Variants in ATF6B observed in about 807,000 individuals in gnomAD.
ATF6B encodes the protein cyclic AMP-dependent transcription factor ATF-6 beta.
Under a neutral mutation model 83.5 loss-of-function variants are expected in ATF6B, and 50 were observed. That is an observed-to-expected ratio of 0.60 (90% confidence interval 0.48 to 0.76). The LOEUF (loss-of-function observed/expected upper bound fraction) is 0.76. Ranked by LOEUF, ATF6B falls within the 30% of genes least tolerant of loss-of-function variation. The probability of loss-of-function intolerance (pLI) is 0.00; values close to 1 mark genes in which losing one functional copy is unlikely to be tolerated. For synonymous variants in ATF6B, 344 were observed against 362.8 expected, an observed-to-expected ratio of 0.95 and a Z score of 0.59; for missense variants, 790 against 893.8, an observed-to-expected ratio of 0.88 and a Z score of 1.48.
intron 5 of ATF6B, 126 bp from the exon 6 acceptor site, chr6:32,121,474 G>A (rs540903598): frequency 7.0e-6 from 6 of 860,254 alleles, no homozygotes; most frequent in East Asian, 2.7e-5. Context: ...AGGCCAAGGC[G>A]GGCAGATCAC....
rs569240811 is a variant in ATF6B, at chr6:32,127,478, A to G, written c.214T>C (p.Ser72Pro). The G allele has an allele frequency of 4.0e-5, 64 of 1,613,392 alleles. No individual in the cohort carries two copies. In the South Asian group the frequency reaches 6.0e-4, roughly 15 times the overall value. The change falls in exon 3 of 18, where the codon TCT (serine) becomes CCT (proline). Residue 72 changes from serine to proline, a missense_variant. Transcript: ENST00000375203. ...SLDVGMDVSP[S>P]EPPWELLPIF... ...GGCAGGAGTTCCCATGGGGGCTCAG[A>G]GGGGCTGACATCCATCCCCACGTCC...
rs1465229678 is a variant in ATF6B at position 32,122,140 on chromosome 6, C to G, written c.479-792G>C. Among the ~76,000 whole-genome samples the G allele has an allele frequency of 3.3e-5, 5 of 152,198 alleles. No homozygotes were observed. The East Asian group carries it at 9.6e-4, about 29-fold the overall frequency. Reference sequence around the variant, plus strand: ...GCTGCTCACCTGCACCAGATTCTGACTTCCAAGCTGCCTGCTGGTCCCTTC... The same window carrying G: ...GCTGCTCACCTGCACCAGATTCTGAGTTCCAAGCTGCCTGCTGGTCCCTTC... On this transcript the variant is annotated intron_variant, in intron 5 of 17. Transcript: ENST00000375203.
Position 32,116,549 on chromosome 6 carries a change from G to C in ATF6B, c.1813C>G (p.Pro605Ala). ...GAGGTCTTGTTGTGGCTGATGGCTGGGAGCAGCAGGTGGTCCTGGGGAACA... is the reference window on the plus strand; with the variant it reads ...GAGGTCTTGTTGTGGCTGATGGCTGCGAGCAGCAGGTGGTCCTGGGGAACA... ...VSFRRDHLLL[P>A]AISHNKTSRP... Residue 605 changes from proline (P) to alanine (A), a missense_variant, in exon 17 of 18, where the codon CCA becomes GCA. Physicochemically the swap from Pro to Ala is conservative, Grantham distance 27 (BLOSUM62 -1). Coordinates refer to ENST00000375203, the MANE Select transcript of ATF6B (RefSeq NM_004381.5). The surrounding 1 kb of genome is among the most constrained non-coding windows in gnomAD (Gnocchi z 5.1). 1 of 1,599,550 alleles carries C rather than the reference G, an allele frequency of 6.3e-7. No individual in the cohort carries two copies. Among genetic ancestry groups the C allele is most frequent in the Admixed American group, 1.7e-5 (1 of 59,046 alleles).
At position 32,128,187 on chromosome 6, in the gene ATF6B, G is replaced by A. The variant is rs61730578; in HGVS notation, c.21C>T (p.Leu7=). The part of the protein sequence containing the change: MAELML[L]SEIADPTRFF... ...AACGCGTCGGGTCAGCAATCTCGCTGAGCAGCATCAGCTCCGCCATCTTTC... is the reference window on the plus strand; with the variant it reads ...AACGCGTCGGGTCAGCAATCTCGCTAAGCAGCATCAGCTCCGCCATCTTTC... The change falls in exon 1 of 18, where the codon CTC becomes CTT. Residue 7 remains leucine, a synonymous_variant. Transcript: ENST00000375203. 180 of 1,612,400 alleles carry A rather than the reference G, an allele frequency of 1.1e-4. No homozygotes were observed. The African/African-American group carries it at 2.3e-3, about 21-fold the overall frequency.
At chr6:32,127,005 G>T in intron 4 of ATF6B, 98 bp downstream of exon 4, 3 of 1,142,014 alleles carry the variant, frequency 2.6e-6, no homozygotes, top group Non-Finnish European at 3.6e-6. Flanking sequence ...ATGACTCATA[G>T]CACACAAATC....
intron 5 of ATF6B, among the ~76,000 whole-genome samples, chr6:32,124,307 C>T (rs908502819): frequency 2.6e-5 from 4 of 152,252 alleles, no homozygotes; most frequent in Admixed American, 2.0e-4. Flanking sequence ...GTAACATCAC[C>T]CACCCACAGC....
rs1214314103 is a variant in ATF6B at position 32,125,478 on chromosome 6, T to G, written c.478+639A>C. ...CTTTCTGTATGTTTAAAAATGTTTATGGGCTGGGCGCGATGGCTCACGCCT... is the reference window on the plus strand; with the variant it reads ...CTTTCTGTATGTTTAAAAATGTTTAGGGGCTGGGCGCGATGGCTCACGCCT... On this transcript the variant is annotated intron_variant, in intron 5 of 17. Transcript: ENST00000375203. This position sits in a 1 kb window ranked among gnomAD's most constrained non-coding sequence, Gnocchi z 4.1. 6.6e-6 allele frequency among the ~76,000 whole-genome samples: 1 copy of G among 152,130 alleles called. No homozygotes were observed. The highest frequency in any genetic ancestry group is 1.9e-4 in the East Asian group (1 of 5,196).
chr6:32,127,972 C>A, intron 1 of ATF6B, 145 bp downstream of exon 1: 1 of 1,043,816 alleles, frequency 9.6e-7, no homozygotes, highest in Non-Finnish European at 1.4e-6. Context: ...TTGTATCCCC[C>A]TTAATGCACA....
intron 5 of ATF6B, among the ~76,000 whole-genome samples, chr6:32,123,320 A>G (rs1378825079): frequency 6.6e-6 from 1 of 151,742 alleles, no homozygotes; most frequent in Non-Finnish European, 1.5e-5. Flanking sequence ...ACTATGTCTC[A>G]TGTCCATTGA....
At position 32,115,819 on chromosome 6, in the gene ATF6B, T is replaced by C. The variant is rs1781504754; in HGVS notation, c.2032A>G (p.Thr678Ala). The change falls in exon 18 of 18, where the codon ACA (threonine) becomes GCA (alanine). Residue 678 changes from threonine (T) to alanine (A), a missense_variant. Physicochemically the swap from Thr to Ala is moderately conservative, Grantham distance 58. Coordinates refer to ENST00000375203, the MANE Select transcript of ATF6B (RefSeq NM_004381.5). ...GCAGAGACTGGCAAGGGGCCACCTG[T>C]GGCATTGCCTGGGGTTGGGGATGGC... ...KQPSPTPGNA[T>A]GGPLPVSAAS... The C allele has an allele frequency of 1.2e-6, 2 of 1,613,904 alleles. No individual in the cohort carries two copies. Among genetic ancestry groups the C allele is most frequent in the East Asian group, 2.2e-5 (1 of 44,886 alleles).
rs775413091 is a variant in ATF6B at position 32,115,749 on chromosome 6, T to C, written c.2102A>G (p.Asn701Ser). The part of the protein sequence containing the change: ...HQASHQPLYL[N>S]HP ...TGTGAATGGCAGAGGTCAGGGATGA[T>C]TGAGGTAGAGGGGCTGGTGGGAGGC... Residue 701 changes from asparagine to serine, a missense_variant, in exon 18 of 18, where the codon AAT becomes AGT. By Grantham distance (46) the Asn-to-Ser change is conservative (BLOSUM62 1). Coordinates refer to ENST00000375203, the MANE Select transcript of ATF6B (RefSeq NM_004381.5). The C allele has an allele frequency of 1.3e-6, 2 of 1,599,392 alleles. No individual in the cohort carries two copies. The highest frequency in any genetic ancestry group is 1.3e-5 in the African/African-American group (1 of 74,760).
chr6:32,125,489 C>T lies in ATF6B; in HGVS notation c.478+628G>A, dbSNP rs1781932934. Among the ~76,000 whole-genome samples the T allele has an allele frequency of 6.6e-6, 1 of 152,114 alleles. No individual in the cohort carries two copies. Among genetic ancestry groups the T allele is most frequent in the Non-Finnish European group, 1.5e-5 (1 of 68,020 alleles). ...TTTAAAAATGTTTATGGGCTGGGCG[C>T]GATGGCTCACGCCTGTAATCTCAGC... On this transcript the variant is annotated intron_variant, in intron 5 of 17. Coordinates refer to ENST00000375203, the MANE Select transcript of ATF6B (RefSeq NM_004381.5). The surrounding 1 kb of genome is among the most constrained non-coding windows in gnomAD (Gnocchi z 4.1).
At position 32,127,050 on chromosome 6, in the gene ATF6B, G is replaced by A. The variant is rs1296098951; in HGVS notation, c.342+53C>T. The A allele has an allele frequency of 2.9e-6, 4 of 1,401,802 alleles. No individual in the cohort carries two copies. The South Asian group carries it at 4.2e-5, about 15-fold the overall frequency. 86.8% of individuals were successfully genotyped at this position (1,401,802 alleles called of 1,614,324 possible). On this transcript the variant is annotated intron_variant, in intron 4 of 17. Transcript: ENST00000375203. The stretch of plus-strand genomic sequence containing the variant: ...ATTTCTTTGTCACCCACGGGTGAAG[G>A]GAATGAAGCAGAGTCCCCGTCACAG...
Position 32,118,899 on chromosome 6 carries a change from G to C in ATF6B, c.1153-33C>G. 2 of 1,614,162 alleles carry C rather than the reference G, an allele frequency of 1.2e-6. No individual in the cohort carries two copies. The highest frequency in any genetic ancestry group is 1.3e-5 in the African/African-American group (1 of 75,060). On this transcript the variant is annotated intron_variant, in intron 10 of 17. Coordinates refer to ENST00000375203, the MANE Select transcript of ATF6B (RefSeq NM_004381.5). The surrounding 1 kb of genome is among the most constrained non-coding windows in gnomAD (Gnocchi z 5.2). ...ACAAAGAAGGAGACAAGAAAAAGGGGAATCATTCCAAGGAGGCTGTATTCC... is the reference window on the plus strand; with the variant it reads ...ACAAAGAAGGAGACAAGAAAAAGGGCAATCATTCCAAGGAGGCTGTATTCC...
chr6:32,115,939 C>A lies in ATF6B; in HGVS notation c.1912G>T (p.Asp638Tyr). 6.2e-7 allele frequency: 1 copy of A among 1,613,834 alleles called. No homozygotes were observed. Among genetic ancestry groups the A allele is most frequent in the Non-Finnish European group, 8.5e-7 (1 of 1,179,846 alleles). Residue 638 changes from aspartate to tyrosine, a missense_variant, in exon 18 of 18, where the codon GAC becomes TAC. Asp to Tyr is a radical substitution (Grantham distance 160). This residue lies in a region of ATF6B where 530 missense variants were observed against 632.6 expected (regional missense o/e 0.84). Transcript: ENST00000375203. ...ETLSGRGAPG[D>Y]YEEMMQIECE... ...TCGATCTGCATCATCTCCTCATAGT[C>A]CCCCGGGGCCCCACGGCCTGACAGG...
Position 32,123,778 on chromosome 6 carries a change from C to T in ATF6B, c.478+2339G>A, listed in dbSNP as rs371583486. ...TAATCTGTTTGTCCCTCCAAATCCA[C>T]TTTCCATCCCTCCCTGCTGTGCTCC... On this transcript the variant is annotated intron_variant, in intron 5 of 17. Coordinates refer to ENST00000375203, the MANE Select transcript of ATF6B (RefSeq NM_004381.5). 3.9e-5 allele frequency among the ~76,000 whole-genome samples: 6 copies of T among 152,294 alleles called. No homozygotes were observed. In the East Asian group the frequency reaches 1.2e-3, roughly 29 times the overall value.
rs759440503 is a variant in ATF6B at position 32,128,208 on chromosome 6, CT to C, written c.-2del. 1.9e-6 allele frequency: 3 copies of C among 1,610,398 alleles called. No homozygotes were observed. The East Asian group carries it at 6.7e-5, about 36-fold the overall frequency. On this transcript the variant is annotated 5_prime_UTR_variant, in exon 1 of 18. Transcript: ENST00000375203. ...CGCTGAGCAGCATCAGCTCCGCCAT[CT>C]TTCCCCCCCACCCCCCAACCAGGAG...
At chr6:32,127,003 T>C (rs1430230144) in intron 4 of ATF6B, 100 bp downstream of exon 4, 3 of 1,125,628 alleles carry the variant, frequency 2.7e-6, no homozygotes, top group East Asian at 2.7e-5. Flanking sequence ...TCATGACTCA[T>C]AGCACACAAA....
rs2228628 is a variant in ATF6B at position 32,121,077 on chromosome 6, G to C, written c.612C>G (p.Ser204=). Residue 204 remains serine, a synonymous_variant, in exon 7 of 18, where the codon TCC becomes TCG. Transcript: ENST00000375203. The stretch of plus-strand genomic sequence containing the variant: ...CATCCCACAGGAGGCATCCTGAAGG[G>C]GACAGGGACTCTGTCTTCACTTCCA... ...EVLEVKTESL[S]PSGCLLWDVP... is the part of the protein sequence containing the mutation. 0.27 allele frequency: 417,400 copies of C among 1,567,354 alleles called. 59,883 individuals are homozygous for C. The highest frequency in any genetic ancestry group is 0.32 in the Middle Eastern group (1,847 of 5,772).
Sources: gnomAD v4.1 joint callset for allele counts (sites outside exome capture counted in the v4.1 genomes callset) on GRCh38, gnomAD v4.1.1 for gene constraint, gnomAD v4.1.1 regional missense constraint, Gnocchi (gnomAD v3.1) non-coding constraint, MANE v1.5 for transcripts, NCBI Gene and HGNC (gene_info 2026-07-23, HGNC 2026-07-21) for gene names.